The following ADGRL3 variants were observed in gnomAD, a reference collection of about 807,000 sequenced individuals.
ADGRL3 encodes adhesion G protein-coupled receptor L3.
Under a neutral mutation model 153.5 loss-of-function variants are expected in ADGRL3, and 62 were observed. That is an observed-to-expected ratio of 0.40 (90% confidence interval 0.33 to 0.50). ADGRL3 has a LOEUF of 0.50. Among genes scored for constraint, ADGRL3 ranks in the 20% least tolerant of loss-of-function variants. ADGRL3 has a pLI of 0.47. For synonymous variants in ADGRL3, 710 were observed against 672.5 expected (o/e 1.06, Z -0.86); for missense variants, 1,641 against 1,859.4 (o/e 0.88, Z 2.16).
In ADGRL3 at chr4:61,639,070, G is replaced by A. The variant is rs79066259; in HGVS notation, c.474-37756G>A. Among the ~76,000 whole-genome samples, 327 of 152,200 alleles carry A rather than the reference G, an allele frequency of 2.1e-3. 1 individual carries two copies. The highest frequency in any genetic ancestry group is 3.4e-3 in the Middle Eastern group (1 of 294). The stretch of plus-strand genomic sequence containing the variant: ...CCTCAACAAAACCTGGTTACTGAAA[G>A]AAGCCAGAAAACCAAAGACAATAGT... On this transcript the variant is annotated intron_variant, in intron 5 of 26. Transcript: ENST00000683033.
At chr4:61,685,853 C>T (rs745757390) in intron 6 of ADGRL3, among the ~76,000 whole-genome samples, 1 of 151,884 alleles carries the variant, frequency 6.6e-6, no homozygotes, top group South Asian at 2.1e-4. Flanking sequence ...TTACATTATA[C>T]TACAGTAATA....
chr4:61,734,435 C>A (rs913719154), intron 8 of ADGRL3, among the ~76,000 whole-genome samples: 6 of 152,124 alleles, frequency 3.9e-5, no homozygotes, highest in Admixed American at 1.3e-4. Context: ...AGGAAACTTA[C>A]AATCATAGCA....
chr4:61,924,647 C>T (rs751299116), intron 13 of ADGRL3, among the ~76,000 whole-genome samples: 1 of 152,120 alleles, frequency 6.6e-6, no homozygotes, highest in Non-Finnish European at 1.5e-5. Context: ...AAACACATGC[C>T]GTTTTAAGGT....
intron 4 of ADGRL3, among the ~76,000 whole-genome samples, chr4:61,555,648 AGTCT>A (rs751992726): frequency 6.6e-6 from 1 of 152,122 alleles, no homozygotes; most frequent in East Asian, 1.9e-4. Flanking sequence ...TCTCAGGGCG[AGTCT>A]GTAAAGTGAA....
chr4:61,398,283 G>T (rs2096890844), intron 2 of ADGRL3, among the ~76,000 whole-genome samples: 3 of 151,276 alleles, frequency 2.0e-5, no homozygotes, highest in African/African-American at 2.4e-5. Flanking sequence ...TTGAATTTGG[G>T]TGAATTGAAA....
intron 1 of ADGRL3, among the ~76,000 whole-genome samples, chr4:61,380,347 G>A (rs1365574411): frequency 6.6e-6 from 1 of 151,880 alleles, no homozygotes; most frequent in African/African-American, 2.4e-5. Context: ...GCAGTGCCTG[G>A]CATTGAGTAA....
At chr4:61,566,028 A>C (rs781223183) in intron 4 of ADGRL3, among the ~76,000 whole-genome samples, 8 of 152,194 alleles carry the variant, frequency 5.3e-5, no homozygotes, top group Non-Finnish European at 1.2e-4. Flanking sequence ...CGATTCAAGG[A>C]AAGGTGGGTA....
chr4:61,408,847 CAT>C (rs2097041515), intron 2 of ADGRL3, among the ~76,000 whole-genome samples: 1 of 151,904 alleles, frequency 6.6e-6, no homozygotes, highest in Non-Finnish European at 1.5e-5. Flanking sequence ...CTAAGTCTAA[CAT>C]ACTTTCAAAC....
intron 13 of ADGRL3, among the ~76,000 whole-genome samples, chr4:61,931,856 G>T (rs897367276): frequency 6.6e-6 from 1 of 152,058 alleles, no homozygotes; most frequent in African/African-American, 2.4e-5. Context: ...ATTGCACCTT[G>T]TAGTTTTTTA....
intron 8 of ADGRL3, among the ~76,000 whole-genome samples, chr4:61,799,991 A>G (rs2097471835): frequency 6.6e-6 from 1 of 152,210 alleles, no homozygotes; most frequent in South Asian, 2.1e-4. Context: ...GGGTTATGTA[A>G]CTGCAATTAG....
intron 19 of ADGRL3, among the ~76,000 whole-genome samples, chr4:61,994,293 A>G (rs1310460931): frequency 2.0e-5 from 3 of 151,910 alleles, no homozygotes; most frequent in Non-Finnish European, 4.4e-5. Flanking sequence ...GACCACAGGC[A>G]TGCATCACCA....
intron 2 of ADGRL3, among the ~76,000 whole-genome samples, chr4:61,416,092 A>C (rs539671930): frequency 6.6e-6 from 1 of 152,230 alleles, no homozygotes. Flanking sequence ...TAGTTTTTTA[A>C]ATATGAAGGT....
rs747952844 is a variant in ADGRL3 at position 61,779,575 on chromosome 4, G to C, written c.1400-34234G>C. ...CTTGAACCCAGAGGTGGAGGTTACA[G>C]TGAGCCGAGATCCAGCACTGAGCCA... is the stretch of plus-strand genomic sequence containing the variant. On this transcript the variant is annotated intron_variant, in intron 8 of 26. Transcript: ENST00000683033. Among the ~76,000 whole-genome samples, 102 of 135,884 alleles carry C rather than the reference G, an allele frequency of 7.5e-4. No individual in the cohort carries two copies. In the Middle Eastern group the frequency reaches 0.014, roughly 18 times the overall value. The allele number at this position is 135,884 out of a possible 152,430, so 89.1% of individuals were successfully genotyped here.
rs894556982 is a variant in ADGRL3, at chr4:62,028,969, A to G, written c.3422+88A>G. On this transcript the variant is annotated intron_variant, in intron 22 of 26. Coordinates refer to ENST00000683033, the MANE Select transcript of ADGRL3 (RefSeq NM_001387552.1). ...CAGATCAGTACTGAAAAATCATTAG[A>G]GCTTCTGTCATTCACGTAGAGGCAG... is the stretch of plus-strand genomic sequence containing the variant. 4.3e-6 allele frequency: 5 copies of G among 1,166,390 alleles called. No homozygotes were observed. In the Admixed American group the frequency reaches 1.1e-4, roughly 26 times the overall value. 72.3% of individuals were successfully genotyped at this position (1,166,390 alleles called of 1,614,324 possible). A position where few individuals can be genotyped will look rare whatever the true frequency, so the allele number is the denominator to read the frequency against.
intron 4 of ADGRL3, among the ~76,000 whole-genome samples, chr4:61,538,516 C>T (rs183495432): frequency 2.2e-4 from 33 of 152,126 alleles, no homozygotes; most frequent in African/African-American, 7.7e-4. Flanking sequence ...CTCAGCTCAC[C>T]GCAACCTCCG....
chr4:61,894,788 G>A (rs550935671), intron 10 of ADGRL3, among the ~76,000 whole-genome samples: 94 of 152,042 alleles, frequency 6.2e-4, no homozygotes, highest in Admixed American at 2.4e-3. Context: ...TCACCATCAC[G>A]CCATTACTCT....
At chr4:61,522,099 T>C (rs1441548365) in intron 4 of ADGRL3, among the ~76,000 whole-genome samples, 2 of 152,126 alleles carry the variant, frequency 1.3e-5, no homozygotes, top group Admixed American at 6.6e-5. Flanking sequence ...AGGGATATAG[T>C]GGAGCCAAGA....
Position 61,479,450 on chromosome 4 carries a change from A to T in ADGRL3, c.-173-17671A>T, listed in dbSNP as rs987567967. Among the ~76,000 whole-genome samples, 3 of 152,076 alleles carry T rather than the reference A, an allele frequency of 2.0e-5. No homozygotes were observed. In the South Asian group the frequency reaches 6.2e-4, roughly 32 times the overall value. On this transcript the variant is annotated intron_variant, in intron 2 of 26. Coordinates refer to ENST00000683033, the MANE Select transcript of ADGRL3 (RefSeq NM_001387552.1). Reference sequence around the variant, plus strand: ...AGAGTTGGGATGTAAAGCCTTCCTTAGATCTATAAAAGTACCCAATATAGG... The same window carrying T: ...AGAGTTGGGATGTAAAGCCTTCCTTTGATCTATAAAAGTACCCAATATAGG...
chr4:61,597,891 A>T (rs749571267), intron 5 of ADGRL3, among the ~76,000 whole-genome samples: 2 of 152,064 alleles, frequency 1.3e-5, no homozygotes, highest in Non-Finnish European at 2.9e-5. Flanking sequence ...ACCTATGGCC[A>T]GTTTCATCAG....
Sources: allele counts gnomAD v4.1 joint callset (sites outside exome capture counted in the v4.1 genomes callset), GRCh38; gene constraint gnomAD v4.1.1; transcripts MANE v1.5; gene names NCBI Gene and HGNC (gene_info 2026-07-23, HGNC 2026-07-21).